The following BACH2 variants were observed in gnomAD, a reference collection of about 807,000 sequenced individuals.
BACH2 encodes transcription regulator protein BACH2.
In BACH2, 5 loss-of-function variants were observed where a neutral mutation model predicts 61.8. The ratio of observed to expected loss-of-function variants is 0.08; its 90% CI spans 0.04 to 0.17. BACH2 has a LOEUF of 0.17. Among genes scored for constraint, BACH2 ranks in the 10% least tolerant of loss-of-function variants. BACH2 has a pLI of 1.00. For missense variants in BACH2, 824 were observed against 1,091.1 expected, an observed-to-expected ratio of 0.76 and a Z score of 3.45; for synonymous variants, 446 against 440.1, an observed-to-expected ratio of 1.01 and a Z score of -0.17.
At chr6:90,174,380 AT>A (rs965742759) in intron 4 of BACH2, among the ~76,000 whole-genome samples, 2 of 152,048 alleles carry the variant, frequency 1.3e-5, no homozygotes, top group Non-Finnish European at 2.9e-5. Context: ...AAAACAAAGA[AT>A]AGAAAGAAAC....
At chr6:90,183,486 C>T (rs765429057) in intron 4 of BACH2, among the ~76,000 whole-genome samples, 4 of 152,136 alleles carry the variant, frequency 2.6e-5, no homozygotes, top group Non-Finnish European at 4.4e-5. Flanking sequence ...TTAAGCCAGG[C>T]AAAAAGTTTT....
At position 90,025,069 on chromosome 6, in the gene BACH2, T is replaced by C. The variant is rs570638444; in HGVS notation, c.-12-16213A>G. Among the ~76,000 whole-genome samples the C allele has an allele frequency of 1.6e-4, 25 of 152,210 alleles. 1 individual carries two copies. Among genetic ancestry groups the C allele is most frequent in the Admixed American group, 1.6e-3 (25 of 15,276 alleles). ...GAAGGCTACAACTGGGATTTAACAA[T>C]AGCATGGTGCATAAACTGTCATCTC... On this transcript the variant is annotated intron_variant, in intron 5 of 8. Coordinates refer to ENST00000257749, the MANE Select transcript of BACH2 (RefSeq NM_021813.4).
At chr6:89,985,693 C>A (rs1776203054) in intron 6 of BACH2, among the ~76,000 whole-genome samples, 1 of 152,168 alleles carries the variant, frequency 6.6e-6, no homozygotes, top group Non-Finnish European at 1.5e-5. Flanking sequence ...AAGGGGATTT[C>A]TGTAACTCTT....
intron 4 of BACH2, among the ~76,000 whole-genome samples, chr6:90,102,282 C>T (rs1203385885): frequency 6.6e-6 from 1 of 151,844 alleles, no homozygotes; most frequent in African/African-American, 2.4e-5. Context: ...TCCTGGGACT[C>T]CAGGATACAT....
intron 4 of BACH2, among the ~76,000 whole-genome samples, chr6:90,135,682 C>T (rs182532040): frequency 6.6e-6 from 1 of 152,290 alleles, no homozygotes; most frequent in Non-Finnish European, 1.5e-5. Context: ...CCACTGCACT[C>T]CAGCCTGGGC....
intron 4 of BACH2, among the ~76,000 whole-genome samples, chr6:90,132,845 G>A (rs1417335975): frequency 6.6e-6 from 1 of 151,992 alleles, no homozygotes; most frequent in Non-Finnish European, 1.5e-5. Flanking sequence ...ACCACTTCTT[G>A]AGCCCTGCAC....
rs188853488 is a variant in BACH2, at chr6:90,134,126, C to A, written c.-161-45017G>T. Among the ~76,000 whole-genome samples the A allele has an allele frequency of 7.4e-3, 1,125 of 152,308 alleles. 17 individuals carry two copies. Among genetic ancestry groups the A allele is most frequent in the Non-Finnish European group, 9.2e-3 (627 of 68,018 alleles). On this transcript the variant is annotated intron_variant, in intron 4 of 8. Transcript: ENST00000257749. ...TGAGGAATCGCCACACTGACTTCCA[C>A]AATGGTTGAACTAGTTTACAGTCCC...
At chr6:90,093,376 T>A (rs1782251793) in intron 4 of BACH2, among the ~76,000 whole-genome samples, 2 of 152,248 alleles carry the variant, frequency 1.3e-5, no homozygotes, top group South Asian at 4.1e-4. Flanking sequence ...AATTTGACTT[T>A]AAAAAGACAC....
chr6:89,967,065 G>A (rs1006318937), intron 6 of BACH2, among the ~76,000 whole-genome samples: 4 of 152,176 alleles, frequency 2.6e-5, no homozygotes, highest in Admixed American at 6.5e-5. Context: ...TTCTAACAAT[G>A]ACTGGTTGGT....
chr6:90,194,137 A>C (rs1641359697), intron 4 of BACH2, among the ~76,000 whole-genome samples: 1 of 152,156 alleles, frequency 6.6e-6, no homozygotes, highest in Non-Finnish European at 1.5e-5. Flanking sequence ...TTACTTGGGT[A>C]CTAAAGATGA....
At chr6:90,110,237 T>G (rs1783109535) in intron 4 of BACH2, among the ~76,000 whole-genome samples, 1 of 152,232 alleles carries the variant, frequency 6.6e-6, no homozygotes, top group African/African-American at 2.4e-5. Flanking sequence ...GTGGATATTC[T>G]CTGATTCTAC....
chr6:89,952,559 G>C (rs1359991526), intron 6 of BACH2, among the ~76,000 whole-genome samples: 4 of 152,152 alleles, frequency 2.6e-5, no homozygotes, highest in Non-Finnish European at 5.9e-5. Context: ...AATGAATGGG[G>C]GTTGCAGAGT....
At chr6:90,074,444 T>C (rs528653426) in intron 5 of BACH2, among the ~76,000 whole-genome samples, 29 of 152,294 alleles carry the variant, frequency 1.9e-4, no homozygotes, top group African/African-American at 7.0e-4. Flanking sequence ...GTGGCAGCAG[T>C]TGTCAGTTGG....
intron 3 of BACH2, among the ~76,000 whole-genome samples, chr6:90,252,073 C>T (rs1282323956): frequency 6.6e-6 from 1 of 152,168 alleles, no homozygotes; most frequent in African/African-American, 2.4e-5. Context: ...GTCTGAGCAG[C>T]ACTATGTTGT....
chr6:90,042,163 T>A (rs1779567350), intron 5 of BACH2, among the ~76,000 whole-genome samples: 1 of 152,086 alleles, frequency 6.6e-6, no homozygotes. Flanking sequence ...AACCCAGCAG[T>A]AAGTCTGTTG....
intron 5 of BACH2, among the ~76,000 whole-genome samples, chr6:90,068,800 G>C (rs1410280852): frequency 6.6e-6 from 1 of 152,174 alleles, no homozygotes. Flanking sequence ...TGCACCTGGA[G>C]AGTGTGTGGC....
chr6:90,195,463 C>G (rs953111565), intron 4 of BACH2, among the ~76,000 whole-genome samples: 4 of 152,204 alleles, frequency 2.6e-5, no homozygotes, highest in Non-Finnish European at 5.9e-5. Flanking sequence ...TCCTATTAGT[C>G]TGTTTTCCTG....
At chr6:90,076,156 C>T (rs572922404) in intron 5 of BACH2, among the ~76,000 whole-genome samples, 19 of 152,216 alleles carry the variant, frequency 1.2e-4, no homozygotes, top group African/African-American at 4.6e-4. Flanking sequence ...CAATCTGTTT[C>T]CCTTAGGGAT....
chr6:90,291,894 T>C (rs1772191019), intron 1 of BACH2, among the ~76,000 whole-genome samples: 1 of 152,234 alleles, frequency 6.6e-6, no homozygotes, highest in Non-Finnish European at 1.5e-5. Context: ...GCAACCAGCA[T>C]TGACTTCTGA....
Sources: allele counts gnomAD v4.1 joint callset (sites outside exome capture counted in the v4.1 genomes callset), GRCh38; gene constraint gnomAD v4.1.1; transcripts MANE v1.5; gene names NCBI Gene and HGNC (gene_info 2026-07-23, HGNC 2026-07-21).